The following MIGA1 variants were observed in gnomAD, a reference collection of about 807,000 sequenced individuals.
The protein encoded by MIGA1 is mitoguardin 1.
A neutral mutation model predicts 82.0 loss-of-function variants in MIGA1; 58 were observed. The observed-to-expected ratio is 0.71, with a 90% CI of 0.57 to 0.88. The LOEUF (loss-of-function observed/expected upper bound fraction) is 0.88, where lower values mean the gene tolerates loss of function less well. Among genes scored for constraint, MIGA1 ranks in the 40% least tolerant of loss-of-function variants. The pLI is 0.00. For synonymous variants in MIGA1, 249 were observed against 253.6 expected (o/e 0.98, Z 0.17); for missense variants, 751 against 749.1 (o/e 1.00, Z -0.03).
chr1:77,830,985 A>G (rs1570971590), intron 7 of MIGA1, among the ~76,000 whole-genome samples: 1 of 152,300 alleles, frequency 6.6e-6, no homozygotes, highest in South Asian at 2.1e-4. Context: ...AAAAAGCAAT[A>G]TAAGTTAGTA....
chr1:77,859,147 T>C, intron 9 of MIGA1, 91 bp downstream of exon 9: 2 of 1,004,412 alleles, frequency 2.0e-6, no homozygotes, highest in Non-Finnish European at 3.1e-6. Context: ...GGAGAAAATA[T>C]GTTTTTAGGT....
intron 7 of MIGA1, among the ~76,000 whole-genome samples, chr1:77,841,405 A>G (rs1349938055): frequency 6.6e-6 from 1 of 151,052 alleles, no homozygotes; most frequent in Non-Finnish European, 1.5e-5. Flanking sequence ...CCTTGTACCA[A>G]TTGTGGCTTA....
In MIGA1 at chr1:77,831,009, C is replaced by T. The variant is rs114210110; in HGVS notation, c.896-12298C>T. On this transcript the variant is annotated intron_variant, in intron 7 of 15. Coordinates refer to ENST00000370791, the MANE Select transcript of MIGA1 (RefSeq NM_198549.4). ...TATAAGTTAGTATATTCTTCAATAC[C>T]GAGCAATTAGACTCAGAGCCTAACC... Among the ~76,000 whole-genome samples the T allele has an allele frequency of 2.4e-3, 368 of 152,206 alleles. 3 individuals carry two copies. Among genetic ancestry groups the T allele is most frequent in the Non-Finnish European group, 3.8e-3 (258 of 68,000 alleles).
intron 8 of MIGA1, among the ~76,000 whole-genome samples, chr1:77,852,253 C>T (rs55856316): frequency 4.0e-4 from 61 of 152,024 alleles, no homozygotes; most frequent in African/African-American, 1.4e-3. Context: ...GTATGTGGGT[C>T]TTATTTGTTT....
chr1:77,785,778 C>T (rs374318426), intron 2 of MIGA1, among the ~76,000 whole-genome samples: 69 of 152,338 alleles, frequency 4.5e-4, no homozygotes, highest in African/African-American at 1.5e-3. Flanking sequence ...GTACAGCCTC[C>T]CTCCCGGCTG....
chr1:77,850,281 C>T (rs1336544023), intron 8 of MIGA1, among the ~76,000 whole-genome samples: 2 of 152,194 alleles, frequency 1.3e-5, no homozygotes, highest in Non-Finnish European at 2.9e-5. Context: ...CCTCAGAAAT[C>T]TCATTCTTTC....
chr1:77,859,449 C>T (rs1685384818), intron 10 of MIGA1, 63 bp downstream of exon 10: 1 of 1,104,944 alleles, frequency 9.1e-7, no homozygotes, highest in East Asian at 2.4e-5. Context: ...GCTGTAGAGT[C>T]CAGTGCAAAT....
At chr1:77,846,205 C>T (rs1684834185) in intron 8 of MIGA1, among the ~76,000 whole-genome samples, 1 of 152,104 alleles carries the variant, frequency 6.6e-6, no homozygotes, top group South Asian at 2.1e-4. Flanking sequence ...TTATTCTGGA[C>T]ATTTCTTATA....
At chr1:77,826,390 C>T (rs1358076765) in intron 7 of MIGA1, among the ~76,000 whole-genome samples, 1 of 152,078 alleles carries the variant, frequency 6.6e-6, no homozygotes, top group South Asian at 2.1e-4. Context: ...ACTGATTTTC[C>T]CTCATCTCTG....
chr1:77,870,038 C>G (rs1348091457), intron 14 of MIGA1, among the ~76,000 whole-genome samples: 1 of 121,300 alleles, frequency 8.2e-6, no homozygotes, highest in African/African-American at 3.1e-5. Context: ...GTAGGGGCGG[C>G]CGGGCAGAGG....
chr1:77,810,850 T>C (rs1683298851), intron 5 of MIGA1: 1 of 1,609,274 alleles, frequency 6.2e-7, no homozygotes, highest in African/African-American at 1.3e-5. Flanking sequence ...TCCAGGTTCA[T>C]CATGTCAGGA....
At chr1:77,871,443 A>C (rs1018401723) in intron 14 of MIGA1, among the ~76,000 whole-genome samples, 1 of 152,052 alleles carries the variant, frequency 6.6e-6, no homozygotes, top group African/African-American at 2.4e-5. Flanking sequence ...CAGAGGTTGC[A>C]GTGAGCCAAG....
At chr1:77,804,995 T>G (rs1296009546) in intron 4 of MIGA1, among the ~76,000 whole-genome samples, 1 of 22,432 alleles carries the variant, frequency 4.5e-5, no homozygotes, top group Non-Finnish European at 1.9e-4. Context: ...CCATATTTCT[T>G]TTTTTTTTTT....
At chr1:77,858,268 AC>A (rs1685336610) in intron 8 of MIGA1, among the ~76,000 whole-genome samples, 1 of 151,792 alleles carries the variant, frequency 6.6e-6, no homozygotes, top group Non-Finnish European at 1.5e-5. Context: ...AATCGCTTTA[AC>A]CTGGGCGATG....
At chr1:77,796,437 T>TTTTG (rs1417488706) in intron 2 of MIGA1, among the ~76,000 whole-genome samples, 2 of 151,832 alleles carry the variant, frequency 1.3e-5, no homozygotes, top group Non-Finnish European at 2.9e-5. Context: ...TTTTTTTTTT[T>TTTTG]TAAGAGATGG....
Position 77,807,072 on chromosome 1 carries a change from T to C in MIGA1, c.608T>C (p.Val203Ala). The C allele has an allele frequency of 6.3e-7, 1 of 1,597,304 alleles. No individual in the cohort carries two copies. The highest frequency in any genetic ancestry group is 1.1e-5 in the South Asian group (1 of 90,142). ...GATATTAAACTTGTTAATATTCCTG[T>C]GACTACTCCAGAGAACTTATACTTA... The change falls in exon 5 of 16, where the codon GTG becomes GCG. Residue 203 changes from valine to alanine, a missense_variant. By Grantham distance (64) the Val-to-Ala change is moderately conservative. Transcript: ENST00000370791.
chr1:77,783,603 T>G (rs1433189020), intron 2 of MIGA1, among the ~76,000 whole-genome samples: 1 of 152,212 alleles, frequency 6.6e-6, no homozygotes, highest in Non-Finnish European at 1.5e-5. Flanking sequence ...TCCATTATTA[T>G]TACTTTCAGT....
At chr1:77,782,667 C>T (rs149415424) in intron 1 of MIGA1, among the ~76,000 whole-genome samples, 4 of 152,190 alleles carry the variant, frequency 2.6e-5, no homozygotes, top group East Asian at 1.9e-4. Context: ...AGAAATAATA[C>T]GCATTAAAAC....
intron 7 of MIGA1, among the ~76,000 whole-genome samples, chr1:77,842,551 TG>T (rs1684665775): frequency 6.6e-6 from 1 of 151,592 alleles, no homozygotes; most frequent in Admixed American, 6.6e-5. Flanking sequence ...TGTTTTTTTT[TG>T]TTGTTGTTGT....
Sources: allele counts gnomAD v4.1 joint callset (sites outside exome capture counted in the v4.1 genomes callset), GRCh38; gene constraint gnomAD v4.1.1; transcripts MANE v1.5; gene names NCBI Gene and HGNC (gene_info 2026-07-23, HGNC 2026-07-21).